EVI5: variants seen among roughly 807,000 people sequenced by gnomAD.
The protein encoded by EVI5 is ecotropic viral integration site 5 protein homolog.
A neutral mutation model predicts 112.0 loss-of-function variants in EVI5; 73 were observed. The ratio of observed to expected loss-of-function variants is 0.65; its 90% CI spans 0.54 to 0.79. The LOEUF is 0.79. EVI5 is among the 30% of genes least tolerant of loss of function. The pLI is 0.00. For synonymous variants in EVI5, 305 were observed against 319.9 expected, an observed-to-expected ratio of 0.95 and a Z score of 0.50; for missense variants, 900 against 968.8, an observed-to-expected ratio of 0.93 and a Z score of 0.94.
intron 2 of EVI5, among the ~76,000 whole-genome samples, chr1:92,726,622 A>G (rs1038288981): frequency 2.6e-5 from 4 of 152,216 alleles, no homozygotes; most frequent in Non-Finnish European, 4.4e-5. Context: ...GAAAGGACAG[A>G]AGAGCATTAG....
chr1:92,722,009 A>G (rs1480293048), intron 2 of EVI5, among the ~76,000 whole-genome samples: 4 of 150,642 alleles, frequency 2.7e-5, no homozygotes, highest in Non-Finnish European at 1.5e-5. Flanking sequence ...TAAGTGCTTT[A>G]CTTTGTCAGT....
chr1:92,518,598 G>A (rs1334542042), intron 19 of EVI5, among the ~76,000 whole-genome samples: 5 of 151,208 alleles, frequency 3.3e-5, no homozygotes, highest in East Asian at 1.9e-4. Context: ...CAGAGAATTC[G>A]AGGATAGTAT....
In EVI5 at chr1:92,697,997, G is replaced by GAA; in HGVS notation, c.640-14_640-13dup. The GAA allele has an allele frequency of 3.9e-6, 6 of 1,557,944 alleles. No homozygotes were observed. Among genetic ancestry groups the GAA allele is most frequent in the South Asian group, 2.4e-5 (2 of 84,652 alleles). On this transcript the variant is annotated splice_polypyrimidine_tract_variant and intron_variant, in intron 5 of 19. Coordinates refer to ENST00000684568, the MANE Select transcript of EVI5 (RefSeq NM_001350197.2). ...TCTTCTTCTGGCATCTACATTGGAA[G>GAA]AAAAAAAAACAACATAGGTTAATGT...
chr1:92,590,545 CGAGAA>C, intron 18 of EVI5, among the ~76,000 whole-genome samples: 1 of 152,050 alleles, frequency 6.6e-6, no homozygotes, highest in East Asian at 1.9e-4. Flanking sequence ...TGAAATGAAG[CGAGAA>C]GAGAAGTTTA....
At chr1:92,644,063 G>A (rs1430824258) in intron 13 of EVI5, among the ~76,000 whole-genome samples, 1 of 152,150 alleles carries the variant, frequency 6.6e-6, no homozygotes, top group Non-Finnish European at 1.5e-5. Flanking sequence ...GGTGGATGGA[G>A]AACAAGATAG....
intron 19 of EVI5, among the ~76,000 whole-genome samples, chr1:92,546,444 A>T (rs1350083525): frequency 2.0e-5 from 3 of 152,170 alleles, no homozygotes; most frequent in African/African-American, 4.8e-5. Flanking sequence ...CACACCTGTA[A>T]TCCCAGCACT....
chr1:92,778,381 G>A (rs1684429760), intron 1 of EVI5, among the ~76,000 whole-genome samples: 1 of 152,170 alleles, frequency 6.6e-6, no homozygotes, highest in African/African-American at 2.4e-5. Context: ...AAGCTGCTGA[G>A]TGGCCCCACC....
rs2102949421 is a variant in EVI5, at chr1:92,755,081, T to TG, written c.-81-18455_-81-18454insC. 2.6e-5 allele frequency among the ~76,000 whole-genome samples: 4 copies of TG among 151,254 alleles called. No homozygotes were observed. In the South Asian group the frequency reaches 6.3e-4, roughly 24 times the overall value. On this transcript the variant is annotated intron_variant, in intron 1 of 19. Transcript: ENST00000684568. ...ATGTGAACATAGGTTTTTTTTTTTTTTTTTTTTTGCATCTGAAATATTCAT... is the reference window on the plus strand; with the variant it reads ...ATGTGAACATAGGTTTTTTTTTTTTTGTTTTTTTTGCATCTGAAATATTCAT...
At chr1:92,597,074 T>C (rs910972221) in intron 18 of EVI5, among the ~76,000 whole-genome samples, 5 of 152,136 alleles carry the variant, frequency 3.3e-5, no homozygotes, top group African/African-American at 1.2e-4. Context: ...ATTAAAAAAC[T>C]TGTCAAAGAT....
chr1:92,544,635 G>A (rs1402851891), intron 19 of EVI5, among the ~76,000 whole-genome samples: 1 of 152,210 alleles, frequency 6.6e-6, no homozygotes, highest in East Asian at 1.9e-4. Flanking sequence ...TAAGTAGAAG[G>A]AGATGAATGC....
At chr1:92,568,410 A>G (rs149495306) in intron 18 of EVI5, among the ~76,000 whole-genome samples, 81 of 152,080 alleles carry the variant, frequency 5.3e-4, no homozygotes, top group Middle Eastern at 3.4e-3. Context: ...AAAGAAAAAA[A>G]TACAGATTTT....
intron 19 of EVI5, among the ~76,000 whole-genome samples, chr1:92,557,082 T>G (rs1352654392): frequency 1.3e-5 from 2 of 152,208 alleles, no homozygotes; most frequent in African/African-American, 4.8e-5. Context: ...CTGTGACACA[T>G]AATTTAACTT....
intron 19 of EVI5, among the ~76,000 whole-genome samples, chr1:92,515,278 C>T (rs1659685201): frequency 6.6e-6 from 1 of 152,204 alleles, no homozygotes; most frequent in Non-Finnish European, 1.5e-5. Context: ...AATTGTGCCA[C>T]ATTTAAATCT....
At chr1:92,737,000 G>A (rs970806243) in intron 1 of EVI5, among the ~76,000 whole-genome samples, 2 of 152,160 alleles carry the variant, frequency 1.3e-5, no homozygotes, top group Non-Finnish European at 2.9e-5. Context: ...TATTGAGTGA[G>A]GATGTAAAAT....
intron 2 of EVI5, among the ~76,000 whole-genome samples, chr1:92,715,741 C>T (rs1156730886): frequency 6.6e-6 from 1 of 152,120 alleles, no homozygotes; most frequent in Admixed American, 6.5e-5. Context: ...CCTGGAAAAA[C>T]GGGACACTCC....
intron 19 of EVI5, among the ~76,000 whole-genome samples, chr1:92,558,834 C>T (rs1162353843): frequency 7.2e-6 from 1 of 138,116 alleles, no homozygotes; most frequent in East Asian, 2.0e-4. Context: ...AGACCCCCAT[C>T]TCTAAAAAAA....
chr1:92,725,508 A>T (rs907524076), intron 2 of EVI5, among the ~76,000 whole-genome samples: 2 of 152,160 alleles, frequency 1.3e-5, no homozygotes, highest in African/African-American at 2.4e-5. Flanking sequence ...TCAATAAAAA[A>T]TTATCAGGCT....
chr1:92,692,346 T>C (rs1429261782), intron 9 of EVI5, among the ~76,000 whole-genome samples: 3 of 152,242 alleles, frequency 2.0e-5, no homozygotes, highest in Non-Finnish European at 4.4e-5. Flanking sequence ...TAGTGTGAGT[T>C]CAATGTGGTT....
chr1:92,663,420 C>A lies in EVI5; in HGVS notation c.1245G>T (p.Gln415His). 1 of 1,412,396 alleles carries A rather than the reference C, an allele frequency of 7.1e-7. No individual in the cohort carries two copies. The highest frequency in any genetic ancestry group is 9.5e-7 in the Non-Finnish European group (1 of 1,056,596). 87.5% of individuals were successfully genotyped at this position (1,412,396 alleles called of 1,614,324 possible). A position where few individuals can be genotyped will look rare whatever the true frequency, so the allele number is the denominator to read the frequency against. The change falls in exon 12 of 20, where the codon CAG (glutamine) becomes CAT (histidine). Residue 415 changes from glutamine (Q) to histidine (H), a missense_variant and splice_region_variant. Coordinates refer to ENST00000684568, the MANE Select transcript of EVI5 (RefSeq NM_001350197.2). Reference protein sequence around the residue: ...ESASLADRLIQGQVTRAQEAE... With the variant: ...ESASLADRLIHGQVTRAQEAE... Reference sequence around the variant, plus strand: ...AACTAAAACAAAACAAAAACTATACCTGTATCAATCTATCTGCCAAGGAAG... The same window carrying A: ...AACTAAAACAAAACAAAAACTATACATGTATCAATCTATCTGCCAAGGAAG...
Sources: allele counts gnomAD v4.1 joint callset (sites outside exome capture counted in the v4.1 genomes callset), GRCh38; gene constraint gnomAD v4.1.1; transcripts MANE v1.5; gene names NCBI Gene and HGNC (gene_info 2026-07-23, HGNC 2026-07-21).